QTRT2: variants seen among roughly 807,000 people sequenced by gnomAD.
QTRT2 encodes queuine tRNA-ribosyltransferase accessory subunit 2.
QTRT2 carries 32 observed loss-of-function variants against 44.8 expected under a neutral mutation model. That is an observed-to-expected ratio of 0.71 (90% confidence interval 0.54 to 0.96). The LOEUF (loss-of-function observed/expected upper bound fraction) is 0.96, where lower values mean the gene tolerates loss of function less well. Ranked by LOEUF, QTRT2 falls within the 40% of genes least tolerant of loss-of-function variation. The pLI is 0.00. For missense variants in QTRT2, 461 were observed against 503.1 expected (o/e 0.92, Z 0.80); for synonymous variants, 182 against 187.4 (o/e 0.97, Z 0.24).
chr3:114,067,281 T>C (rs2076966533), intron 4 of QTRT2, among the ~76,000 whole-genome samples: 1 of 152,212 alleles, frequency 6.6e-6, no homozygotes, highest in Non-Finnish European at 1.5e-5. Flanking sequence ...ATTGTAATAA[T>C]TGAAATTATG....
chr3:114,056,906 A>G lies in QTRT2; in HGVS notation c.-130+42A>G, dbSNP rs558015891. 21 of 1,533,068 alleles carry G rather than the reference A, an allele frequency of 1.4e-5. No individual in the cohort carries two copies. The East Asian group carries it at 4.4e-4, about 32-fold the overall frequency. The allele number at this position is 1,533,068 out of a possible 1,614,324, so 95.0% of individuals were successfully genotyped here. On this transcript the variant is annotated intron_variant, in intron 1 of 9. Transcript: ENST00000281273. Reference sequence around the variant, plus strand: ...CCTGCTGGTGTGGGAGCTGCTAGAGATGGATGAGTCACGTCGCGTCCAGAC... The same window carrying G: ...CCTGCTGGTGTGGGAGCTGCTAGAGGTGGATGAGTCACGTCGCGTCCAGAC...
intron 5 of QTRT2, 136 bp from the exon 6 acceptor site, chr3:114,070,490 T>C (rs944289713): frequency 4.2e-6 from 3 of 716,068 alleles, no homozygotes; most frequent in Non-Finnish European, 6.9e-6. Flanking sequence ...AAGATCCTAT[T>C]ACCCACCATG....
intron 2 of QTRT2, among the ~76,000 whole-genome samples, chr3:114,061,638 C>T (rs1353822668): frequency 2.6e-5 from 4 of 152,050 alleles, no homozygotes; most frequent in South Asian, 2.1e-4. Context: ...GTGCCAGTGG[C>T]GTGATCATGG....
intron 2 of QTRT2, among the ~76,000 whole-genome samples, chr3:114,063,461 T>C (rs2076913611): frequency 6.6e-6 from 1 of 152,198 alleles, no homozygotes; most frequent in Admixed American, 6.5e-5. Context: ...AGTTTTAATG[T>C]GTAACAATAG....
intron 4 of QTRT2, chr3:114,066,505 T>C: frequency 1.9e-6 from 1 of 514,192 alleles, no homozygotes; most frequent in Non-Finnish European, 3.5e-6. Context: ...TAGAGAATTC[T>C]AGTAAAAATT....
intron 2 of QTRT2, among the ~76,000 whole-genome samples, chr3:114,060,490 A>G (rs1376423506): frequency 7.3e-6 from 1 of 136,322 alleles, no homozygotes; most frequent in Non-Finnish European, 1.6e-5. Context: ...GTAGGTAGGT[A>G]GGTAGGTAGA....
At chr3:114,081,987 G>C (rs565439770) in intron 8 of QTRT2, among the ~76,000 whole-genome samples, 1 of 152,186 alleles carries the variant, frequency 6.6e-6, no homozygotes, top group South Asian at 2.1e-4. Context: ...TGTTTCTTTT[G>C]CTGTGCAAAG....
chr3:114,067,659 T>C (rs1451542973), intron 4 of QTRT2, among the ~76,000 whole-genome samples: 2 of 152,228 alleles, frequency 1.3e-5, no homozygotes, highest in East Asian at 3.8e-4. Context: ...AATAAGCATA[T>C]TTGATAGTAA....
At chr3:114,077,076 G>T (rs1559959015) in intron 7 of QTRT2, 134 bp downstream of exon 7, 10 of 771,944 alleles carry the variant, frequency 1.3e-5, no homozygotes, top group Non-Finnish European at 4.2e-6. Flanking sequence ...GGCTGAGTCT[G>T]CTGAGGTGCT....
At chr3:114,083,955 G>A (rs923990416) in intron 9 of QTRT2, among the ~76,000 whole-genome samples, 1 of 151,744 alleles carries the variant, frequency 6.6e-6, no homozygotes, top group African/African-American at 2.4e-5. Context: ...ATTGGAAATT[G>A]TACTATTATT....
intron 2 of QTRT2, among the ~76,000 whole-genome samples, chr3:114,062,749 C>T (rs1271905496): frequency 1.3e-5 from 2 of 152,058 alleles, no homozygotes; most frequent in African/African-American, 4.8e-5. Context: ...ACTGGAGAAA[C>T]GAGAGCATAA....
intron 5 of QTRT2, 122 bp downstream of exon 5, chr3:114,068,185 G>T: frequency 1.3e-6 from 1 of 775,380 alleles, no homozygotes; most frequent in Non-Finnish European, 2.2e-6. Context: ...TCCTTATTTC[G>T]ATAATTATAG....
rs1234075920 is a variant in QTRT2 at position 114,079,894 on chromosome 3, T to G, written c.747-12T>G. On this transcript the variant is annotated splice_polypyrimidine_tract_variant and intron_variant, in intron 7 of 9. Transcript: ENST00000281273. ...TGTCCTCATGTCACTGTTCTTATTCTTACTTTTACAGGCTCATATCTGGTG... is the reference window on the plus strand; with the variant it reads ...TGTCCTCATGTCACTGTTCTTATTCGTACTTTTACAGGCTCATATCTGGTG... 5.0e-6 allele frequency: 8 copies of G among 1,612,094 alleles called. No homozygotes were observed. The highest frequency in any genetic ancestry group is 6.8e-6 in the Non-Finnish European group (8 of 1,178,780).
intron 2 of QTRT2, among the ~76,000 whole-genome samples, chr3:114,061,857 C>T (rs932069796): frequency 4.6e-5 from 7 of 152,230 alleles, no homozygotes; most frequent in Admixed American, 6.5e-5. Context: ...GAATTACAGG[C>T]GTGAGCCAAT....
In QTRT2 at chr3:114,086,817, G is replaced by A. The variant is rs1476986554; in HGVS notation, c.*913G>A. The A allele has an allele frequency of 1.3e-5, 2 of 152,248 alleles. No individual in the cohort carries two copies. Among genetic ancestry groups the A allele is most frequent in the Non-Finnish European group, 2.9e-5 (2 of 68,074 alleles). 9.4% of individuals were successfully genotyped at this position (152,248 alleles called of 1,614,324 possible). On this transcript the variant is annotated 3_prime_UTR_variant, in exon 10 of 10. Transcript: ENST00000281273. ...CTTAACTTCTCCATGGCTGCTTCCT[G>A]CTGAATAAATAGGGACAGGCATAAT...
intron 6 of QTRT2, among the ~76,000 whole-genome samples, chr3:114,072,922 C>T (rs915676170): frequency 6.6e-6 from 1 of 152,052 alleles, no homozygotes; most frequent in Non-Finnish European, 1.5e-5. Flanking sequence ...AGATAGTGAT[C>T]AGAGGAGAGA....
chr3:114,085,564 C>T (rs1337198063), intron 9 of QTRT2, 109 bp from the exon 10 acceptor site: 4 of 900,124 alleles, frequency 4.4e-6, no homozygotes, highest in Non-Finnish European at 5.5e-6. Flanking sequence ...TGAACATTTG[C>T]CAGTGATGTT....
Position 114,088,236 on chromosome 3 carries a change from G to A in QTRT2, c.*2332G>A, listed in dbSNP as rs1032935475. The stretch of plus-strand genomic sequence containing the variant: ...AACACTGAAAACTGTGTCCAATATC[G>A]TTCAGTTTCCTGGGTCTTTTTCTTA... On this transcript the variant is annotated 3_prime_UTR_variant, in exon 10 of 10. Transcript: ENST00000281273. 1.3e-5 allele frequency: 2 copies of A among 152,100 alleles called. No homozygotes were observed. The highest frequency in any genetic ancestry group is 2.4e-5 in the African/African-American group (1 of 41,444). The allele number at this position is 152,100 out of a possible 1,614,324, so 9.4% of individuals were successfully genotyped here.
At chr3:114,070,485 C>A in intron 5 of QTRT2, 141 bp from the exon 6 acceptor site, 1 of 684,776 alleles carries the variant, frequency 1.5e-6, no homozygotes, top group Non-Finnish European at 2.4e-6. Context: ...GCTATAAGAT[C>A]CTATTACCCA....
Sources: gnomAD v4.1 joint callset for allele counts (sites outside exome capture counted in the v4.1 genomes callset) on GRCh38, gnomAD v4.1.1 for gene constraint, MANE v1.5 for transcripts, NCBI Gene and HGNC (gene_info 2026-07-23, HGNC 2026-07-21) for gene names.